The following PDCL3 variants were observed in gnomAD, a reference collection of about 807,000 sequenced individuals.
PDCL3 encodes the protein phosducin-like protein 3.
PDCL3 carries 22 observed loss-of-function variants against 26.5 expected under a neutral mutation model. The ratio of observed to expected loss-of-function variants is 0.83; its 90% CI spans 0.59 to 1.19. The LOEUF is 1.19. PDCL3 is among the 50% of genes most tolerant of loss of function. The probability of loss-of-function intolerance (pLI) is 0.00; values close to 1 mark genes in which losing one functional copy is unlikely to be tolerated. For synonymous variants in PDCL3, 81 were observed against 104.9 expected, an observed-to-expected ratio of 0.77 and a Z score of 1.39; for missense variants, 246 against 294.1, an observed-to-expected ratio of 0.84 and a Z score of 1.20.
At chr2:100,570,954 C>T (rs1675156451) in intron 4 of PDCL3, among the ~76,000 whole-genome samples, 6 of 152,048 alleles carry the variant, frequency 3.9e-5, no homozygotes, top group Admixed American at 3.9e-4. Flanking sequence ...CACTTTCCCT[C>T]AGCATATTAG....
chr2:100,565,179 T>A lies in PDCL3; in HGVS notation c.7-1324T>A, dbSNP rs1033794997. Reference sequence around the variant, plus strand: ...GATGGGGTTTCACTATACTGGCCAGTCTGGTCTTTTAACTCCTGACCTCAG... The same window carrying A: ...GATGGGGTTTCACTATACTGGCCAGACTGGTCTTTTAACTCCTGACCTCAG... On this transcript the variant is annotated intron_variant, in intron 1 of 5. Coordinates refer to ENST00000264254, the MANE Select transcript of PDCL3 (RefSeq NM_024065.5). 2.6e-5 allele frequency among the ~76,000 whole-genome samples: 4 copies of A among 152,132 alleles called. No individual in the cohort carries two copies. In the East Asian group the frequency reaches 7.8e-4, roughly 29 times the overall value.
intron 1 of PDCL3, among the ~76,000 whole-genome samples, chr2:100,564,285 TTTTGTTTG>T (rs111283698): frequency 3.3e-5 from 5 of 149,838 alleles, no homozygotes; most frequent in South Asian, 4.3e-4. Flanking sequence ...ATTCTGCTCT[TTTTGTTTG>T]TTTGTTTGTT....
In PDCL3 at chr2:100,569,721, G is replaced by A. The variant is rs146120554; in HGVS notation, c.368G>A (p.Gly123Glu). Residue 123 changes from glycine (G) to glutamate (E), a missense_variant and splice_region_variant, in exon 4 of 6, where the codon GGA (glycine) becomes GAA (glutamate). Physicochemically the swap from Gly to Glu is moderately conservative, Grantham distance 98 (BLOSUM62 -2). Transcript: ENST00000264254. ...LWVILHLYKQ[G>E]IPLCALINQH... ...GTCATCTTGCACCTTTACAAACAAG[G>A]GTGAGCTGATCTTCCACTCCATCTA... The A allele has an allele frequency of 4.6e-5, 74 of 1,607,308 alleles. No individual in the cohort carries two copies. The highest frequency in any genetic ancestry group is 6.1e-5 in the Non-Finnish European group (72 of 1,177,084).
intron 5 of PDCL3, among the ~76,000 whole-genome samples, chr2:100,574,563 A>G (rs538873070): frequency 6.6e-6 from 1 of 152,296 alleles, no homozygotes; most frequent in South Asian, 2.1e-4. Flanking sequence ...AATCCAAGTA[A>G]TTAACCATCC....
In PDCL3 at chr2:100,564,232, C is replaced by G. The variant is rs191796703; in HGVS notation, c.6+1159C>G. On this transcript the variant is annotated intron_variant, in intron 1 of 5. Coordinates refer to ENST00000264254, the MANE Select transcript of PDCL3 (RefSeq NM_024065.5). Reference sequence around the variant, plus strand: ...CCTGGCCTCCTTTGCATTCCCTGTCCTTCAGGTCCCTTGAGGCCTTCCCTG... The same window carrying G: ...CCTGGCCTCCTTTGCATTCCCTGTCGTTCAGGTCCCTTGAGGCCTTCCCTG... Among the ~76,000 whole-genome samples, 562 of 152,022 alleles carry G rather than the reference C, an allele frequency of 3.7e-3. 3 individuals carry two copies. The highest frequency in any genetic ancestry group is 5.1e-3 in the Non-Finnish European group (348 of 67,986).
At chr2:100,568,716 T>C (rs1466478590) in intron 2 of PDCL3, among the ~76,000 whole-genome samples, 2 of 151,994 alleles carry the variant, frequency 1.3e-5, no homozygotes, top group African/African-American at 2.4e-5. Flanking sequence ...GGGTAAAATG[T>C]TGTCAGTCAA....
intron 3 of PDCL3, 66 bp from the exon 4 acceptor site, chr2:100,569,512 C>A: frequency 6.5e-7 from 1 of 1,529,444 alleles, no homozygotes; most frequent in Non-Finnish European, 8.8e-7. Flanking sequence ...ACAAGGATTG[C>A]CTTCTAGACG....
chr2:100,563,049 C>CAACT lies in PDCL3; in HGVS notation c.-18_-15dup, dbSNP rs775640716. On this transcript the variant is annotated 5_prime_UTR_variant, in exon 1 of 6. Coordinates refer to ENST00000264254, the MANE Select transcript of PDCL3 (RefSeq NM_024065.5). ...GGCGCTGCGGCACAGCTGGTTTGAG[C>CAACT]AACTGAACTGGAAACAAGATGCAGG... 1.2e-6 allele frequency: 2 copies of CAACT among 1,601,898 alleles called. No homozygotes were observed. The highest frequency in any genetic ancestry group is 1.7e-6 in the Non-Finnish European group (2 of 1,174,892).
chr2:100,569,349 T>C (rs1281364592), intron 3 of PDCL3, among the ~76,000 whole-genome samples: 1 of 152,166 alleles, frequency 6.6e-6, no homozygotes, highest in Non-Finnish European at 1.5e-5. Flanking sequence ...AGAGCCAAAC[T>C]CTGTCTCAAA....
At chr2:100,568,175 G>A (rs529316386) in intron 2 of PDCL3, among the ~76,000 whole-genome samples, 2 of 152,214 alleles carry the variant, frequency 1.3e-5, no homozygotes, top group South Asian at 4.2e-4. Context: ...AGGGCCCTTG[G>A]GTATGTTTTT....
At position 100,563,021 on chromosome 2, in the gene PDCL3, G is replaced by T; in HGVS notation, c.-47G>T. ...CGTGCACAAAAGAGAGCTGAGGGGC[G>T]GGGGCGCTGCGGCACAGCTGGTTTG... On this transcript the variant is annotated 5_prime_UTR_variant, in exon 1 of 6. Transcript: ENST00000264254. 6.3e-7 allele frequency: 1 copy of T among 1,584,434 alleles called. No individual in the cohort carries two copies. Among genetic ancestry groups the T allele is most frequent in the Non-Finnish European group, 8.6e-7 (1 of 1,165,978 alleles).
At chr2:100,569,294 T>G (rs981662145) in intron 3 of PDCL3, among the ~76,000 whole-genome samples, 43 of 152,072 alleles carry the variant, frequency 2.8e-4, no homozygotes, top group African/African-American at 1.0e-3. Context: ...GAAGTGGAGG[T>G]TGCAGTGAGC....
At chr2:100,572,344 T>C (rs185524278) in intron 5 of PDCL3, among the ~76,000 whole-genome samples, 34 of 152,102 alleles carry the variant, frequency 2.2e-4, no homozygotes, top group African/African-American at 7.9e-4. Flanking sequence ...CCCAAGTATC[T>C]GGGATTACTG....
At chr2:100,568,262 A>C (rs1273107611) in intron 2 of PDCL3, among the ~76,000 whole-genome samples, 4 of 134,080 alleles carry the variant, frequency 3.0e-5, no homozygotes, top group Admixed American at 2.9e-4. Flanking sequence ...GAAAGCCATG[A>C]GATTAGATGC....
chr2:100,572,008 G>C (rs1031185348), intron 5 of PDCL3: 2 of 572,270 alleles, frequency 3.5e-6, no homozygotes. Context: ...TTCAAGGAAG[G>C]CGTGATAGAC....
chr2:100,569,436 A>G, intron 3 of PDCL3, 142 bp from the exon 4 acceptor site: 2 of 964,064 alleles, frequency 2.1e-6, no homozygotes, highest in South Asian at 2.1e-5. Flanking sequence ...ATTAAATAAT[A>G]TTGTGAATTT....
At chr2:100,566,740 CTG>C in intron 2 of PDCL3, 111 bp downstream of exon 2, 1 of 1,486,328 alleles carries the variant, frequency 6.7e-7, no homozygotes, top group Non-Finnish European at 9.1e-7. Context: ...CACTCTGTGT[CTG>C]TGGGACCTCA....
chr2:100,563,864 G>A (rs1304267433), intron 1 of PDCL3, among the ~76,000 whole-genome samples: 1 of 151,688 alleles, frequency 6.6e-6, no homozygotes, highest in Non-Finnish European at 1.5e-5. Flanking sequence ...TGCTGGGGAG[G>A]GAGGCATTAG....
chr2:100,566,430 T>C (rs1027003816), intron 1 of PDCL3, 73 bp from the exon 2 acceptor site: 2 of 1,536,822 alleles, frequency 1.3e-6, no homozygotes, highest in African/African-American at 2.7e-5. Flanking sequence ...TTTTCCCATT[T>C]GGCCCCTTGC....
Sources: allele counts gnomAD v4.1 joint callset (sites outside exome capture counted in the v4.1 genomes callset), GRCh38; gene constraint gnomAD v4.1.1; transcripts MANE v1.5; gene names NCBI Gene and HGNC (gene_info 2026-07-23, HGNC 2026-07-21).